OPA3: variants seen among roughly 807,000 people sequenced by gnomAD.
OPA3 encodes optic atrophy 3 protein.
OPA3 carries 6 observed loss-of-function variants against 4.0 expected under a neutral mutation model. The observed-to-expected ratio is 1.51, with a 90% CI of 0.83 to 2.99. The LOEUF (loss-of-function observed/expected upper bound fraction) is 2.99, where lower values mean the gene tolerates loss of function less well. OPA3 is among the 30% of genes most tolerant of loss of function. OPA3 has a pLI of 0.00. For missense variants in OPA3, 235 were observed against 256.2 expected (o/e 0.92, Z 0.56); for synonymous variants, 105 against 117.1 (o/e 0.90, Z 0.67).
At chr19:45,529,958 T>A (rs1274536921) in intron 1 of OPA3, among the ~76,000 whole-genome samples, 1 of 152,056 alleles carries the variant, frequency 6.6e-6, no homozygotes. Context: ...GGTCTCGAAC[T>A]CCTGGGCTCA....
At chr19:45,534,010 G>A (rs997399116) in intron 1 of OPA3, among the ~76,000 whole-genome samples, 5 of 152,206 alleles carry the variant, frequency 3.3e-5, no homozygotes, top group Admixed American at 2.0e-4. Flanking sequence ...ATAGAATTGG[G>A]ATTGACTTGA....
chr19:45,580,633 T>TATTTATTG (rs1351840642), intron 1 of OPA3, among the ~76,000 whole-genome samples: 1 of 147,518 alleles, frequency 6.8e-6, no homozygotes, highest in East Asian at 2.0e-4. Flanking sequence ...TTTATTTATT[T>TATTTATTG]ATTGAGACAG....
intron 1 of OPA3, among the ~76,000 whole-genome samples, chr19:45,535,220 A>C (rs1162553786): frequency 6.6e-6 from 1 of 152,188 alleles, no homozygotes; most frequent in Non-Finnish European, 1.5e-5. Context: ...CTTGCATGTA[A>C]ATTCAGTTTA....
intron 1 of OPA3, among the ~76,000 whole-genome samples, chr19:45,574,481 G>A (rs747364741): frequency 3.7e-4 from 56 of 151,422 alleles, no homozygotes; most frequent in African/African-American, 6.8e-4. Flanking sequence ...GGCATGTCCC[G>A]GGCCAGGGCT....
At chr19:45,580,160 C>T (rs1484902247) in intron 1 of OPA3, among the ~76,000 whole-genome samples, 2 of 151,164 alleles carry the variant, frequency 1.3e-5, no homozygotes, top group African/African-American at 4.9e-5. Flanking sequence ...CCACGCCCAG[C>T]TAATTTTTGT....
chr19:45,561,028 G>A (rs993787496), intron 1 of OPA3, among the ~76,000 whole-genome samples: 6 of 152,050 alleles, frequency 3.9e-5, no homozygotes, highest in Non-Finnish European at 8.8e-5. Flanking sequence ...ACCGGGGCTC[G>A]GGAGCTTATG....
In OPA3 at chr19:45,548,165, G is replaced by C; in HGVS notation, c.*5349C>G. The C allele has an allele frequency of 1.0e-6, 1 of 986,074 alleles. No homozygotes were observed. The highest frequency in any genetic ancestry group is 1.2e-6 in the Non-Finnish European group (1 of 830,358). 61.1% of individuals were successfully genotyped at this position (986,074 alleles called of 1,614,324 possible). A position where few individuals can be genotyped will look rare whatever the true frequency, so the allele number is the denominator to read the frequency against. On this transcript the variant is annotated 3_prime_UTR_variant, in exon 2 of 2. Coordinates refer to ENST00000263275, the MANE Select transcript of OPA3 (RefSeq NM_025136.4). ...CCTCTCTCTGTCCACACCGACTCCA[G>C]CTACAAGCCATTGCCACTGGGGGAC...
chr19:45,554,124 T>G (rs1308193642), intron 1 of OPA3, among the ~76,000 whole-genome samples: 1 of 152,170 alleles, frequency 6.6e-6, no homozygotes, highest in African/African-American at 2.4e-5. Flanking sequence ...CACCAGGAGC[T>G]TCCACAGCGC....
intron 1 of OPA3, among the ~76,000 whole-genome samples, chr19:45,536,669 A>G (rs975047982): frequency 3.3e-5 from 5 of 152,220 alleles, no homozygotes; most frequent in African/African-American, 1.2e-4. Context: ...TCATCAAAAC[A>G]GGGTGGCATT....
chr19:45,554,499 T>G (rs1422645533), intron 1 of OPA3, among the ~76,000 whole-genome samples: 1 of 152,238 alleles, frequency 6.6e-6, no homozygotes, highest in Non-Finnish European at 1.5e-5. Context: ...AGTGAGGTTT[T>G]GGGCACATAC....
At chr19:45,529,361 C>A in exon 2 of OPA3, 5 of 1,614,212 alleles carry the variant, frequency 3.1e-6, no homozygotes, top group Non-Finnish European at 4.2e-6. Flanking sequence ...AGCTCCGCGC[C>A]CAGCTCGGCG....
At chr19:45,559,410 TTTTTTTTTTG>T (rs1969472516) in intron 1 of OPA3, among the ~76,000 whole-genome samples, 1 of 134,196 alleles carries the variant, frequency 7.5e-6, no homozygotes, top group African/African-American at 2.9e-5. Context: ...TTTTTTTTTT[TTTTTTTTTTG>T]AGATGGAGTC....
Position 45,549,005 on chromosome 19 carries a change from A to T in OPA3, c.*4509T>A. On this transcript the variant is annotated 3_prime_UTR_variant, in exon 2 of 2. Coordinates refer to ENST00000263275, the MANE Select transcript of OPA3 (RefSeq NM_025136.4). ...TTTTTAGTAGAGACGAGGTTTCACC[A>T]TGTTGATCAGGTTGGTCTTGAACTC... 2.2e-6 allele frequency: 1 copy of T among 460,196 alleles called. No individual in the cohort carries two copies. The highest frequency in any genetic ancestry group is 9.3e-5 in the South Asian group (1 of 10,766). The allele number at this position is 460,196 out of a possible 1,614,324, so 28.5% of individuals were successfully genotyped here.
chr19:45,555,738 A>G (rs1424505951), intron 1 of OPA3, among the ~76,000 whole-genome samples: 2 of 151,988 alleles, frequency 1.3e-5, no homozygotes, highest in East Asian at 1.9e-4. Flanking sequence ...TGATCCACCC[A>G]CCTCGGCCTC....
At chr19:45,539,487 C>A (rs1969158903) in intron 1 of OPA3, among the ~76,000 whole-genome samples, 1 of 152,084 alleles carries the variant, frequency 6.6e-6, no homozygotes, top group Admixed American at 6.6e-5. Flanking sequence ...CGGCTAATTT[C>A]TGTATGTTTT....
Position 45,559,395 on chromosome 19 carries a change from TTC to T in OPA3, c.143-5486_143-5485del, listed in dbSNP as rs1440215399. 4.8e-3 allele frequency among the ~76,000 whole-genome samples: 305 copies of T among 63,176 alleles called. 16 individuals carry two copies. The highest frequency in any genetic ancestry group is 0.016 in the African/African-American group (223 of 14,048). The allele number at this position is 63,176 out of a possible 152,430, so 41.4% of individuals were successfully genotyped here. On this transcript the variant is annotated intron_variant, in intron 1 of 1. Coordinates refer to ENST00000263275, the MANE Select transcript of OPA3 (RefSeq NM_025136.4). The stretch of plus-strand genomic sequence containing the variant: ...CTCTCTCTTCTTTCCCTCTTTTTCT[TTC>T]TTTTTTTTTTTTTTTTTTTTTTGAG...
Position 45,553,353 on chromosome 19 carries a change from G to A in OPA3, c.*161C>T. 1 of 1,511,370 alleles carries A rather than the reference G, an allele frequency of 6.6e-7. No homozygotes were observed. The highest frequency in any genetic ancestry group is 8.8e-7 in the Non-Finnish European group (1 of 1,134,382). The allele number at this position is 1,511,370 out of a possible 1,614,324, so 93.6% of individuals were successfully genotyped here. A position where few individuals can be genotyped will look rare whatever the true frequency, so the allele number is the denominator to read the frequency against. On this transcript the variant is annotated 3_prime_UTR_variant, in exon 2 of 2. Transcript: ENST00000263275. ...CAACGCTTCACCTGCTGGTCCCAGTGGCAGGTAACGGCTGCTCTTATCAGC... is the reference window on the plus strand; with the variant it reads ...CAACGCTTCACCTGCTGGTCCCAGTAGCAGGTAACGGCTGCTCTTATCAGC...
At chr19:45,535,754 T>C (rs1599950538) in intron 1 of OPA3, among the ~76,000 whole-genome samples, 1 of 115,276 alleles carries the variant, frequency 8.7e-6, no homozygotes, top group South Asian at 3.2e-4. Flanking sequence ...TAACTGTTTT[T>C]TTCTTTTCTT....
intron 1 of OPA3, among the ~76,000 whole-genome samples, chr19:45,530,521 T>A (rs1318011384): frequency 6.6e-6 from 1 of 152,096 alleles, no homozygotes; most frequent in Non-Finnish European, 1.5e-5. Context: ...TATGGTTTTT[T>A]TTTATTGAGA....
Sources: allele counts gnomAD v4.1 joint callset (sites outside exome capture counted in the v4.1 genomes callset), GRCh38; gene constraint gnomAD v4.1.1; transcripts MANE v1.5; gene names NCBI Gene and HGNC (gene_info 2026-07-23, HGNC 2026-07-21).